Variants in DLGAP1 observed in about 807,000 individuals in gnomAD.
DLGAP1 encodes DLG associated protein 1.
Under a neutral mutation model 90.8 loss-of-function variants are expected in DLGAP1, and 11 were observed. The observed-to-expected ratio is 0.12, with a 90% confidence interval of 0.08 to 0.20. DLGAP1 has a LOEUF of 0.20. Ranked by LOEUF, DLGAP1 falls within the 10% of genes least tolerant of loss-of-function variation. The pLI, the probability that DLGAP1 is intolerant of heterozygous loss-of-function variation, is 1.00. For missense variants in DLGAP1, 1,050 were observed against 1,333.8 expected (o/e 0.79, Z 3.31); for synonymous variants, 558 against 540.7 (o/e 1.03, Z -0.44).
At chr18:4,314,514 A>G (rs750456681) in intron 1 of DLGAP1, among the ~76,000 whole-genome samples, 4 of 152,254 alleles carry the variant, frequency 2.6e-5, no homozygotes, top group Non-Finnish European at 5.9e-5. Context: ...TACAACGGTA[A>G]TTAAAATAAA....
chr18:4,154,340 T>A (rs2076721736), intron 1 of DLGAP1, among the ~76,000 whole-genome samples: 1 of 151,704 alleles, frequency 6.6e-6, no homozygotes, highest in South Asian at 2.1e-4. Flanking sequence ...CCTTTTTTTT[T>A]AAATAAAAAA....
At chr18:4,120,350 A>T (rs949396401) in intron 2 of DLGAP1, among the ~76,000 whole-genome samples, 3 of 152,240 alleles carry the variant, frequency 2.0e-5, no homozygotes, top group Admixed American at 1.3e-4. Flanking sequence ...ATCCTAAAGG[A>T]AACAATCAGA....
At chr18:3,926,984 C>T (rs1261644718) in intron 3 of DLGAP1, among the ~76,000 whole-genome samples, 1 of 151,978 alleles carries the variant, frequency 6.6e-6, no homozygotes, top group Non-Finnish European at 1.5e-5. Flanking sequence ...CTCCCTGTCA[C>T]CAAATCTGGG....
In DLGAP1 at chr18:4,160,022, C is replaced by A. The variant is rs868093629; in HGVS notation, c.-266-8735G>T. ...TGGGATCCTCCATGAACAGAAAGTG[C>A]GTAATGACTCATTGTGATATCACAA... On this transcript the variant is annotated intron_variant, in intron 1 of 12. Coordinates refer to ENST00000315677, the MANE Select transcript of DLGAP1 (RefSeq NM_004746.4). Among the ~76,000 whole-genome samples the A allele has an allele frequency of 2.0e-5, 3 of 152,260 alleles. No homozygotes were observed. In the East Asian group the frequency reaches 5.8e-4, roughly 29 times the overall value.
rs1339892253 is a variant in DLGAP1, at chr18:4,210,951, T to C, written c.-266-59664A>G. 2.0e-5 allele frequency among the ~76,000 whole-genome samples: 3 copies of C among 152,190 alleles called. No homozygotes were observed. The East Asian group carries it at 5.8e-4, about 29-fold the overall frequency. On this transcript the variant is annotated intron_variant, in intron 1 of 12. Transcript: ENST00000315677. ...GACTAAAATTCCTGTCTCCTGACCT[T>C]GAGGTCAGGGTTCACAGCATTAGCT...
intron 10 of DLGAP1, among the ~76,000 whole-genome samples, chr18:3,515,483 A>AAAT (rs1468788461): frequency 2.3e-3 from 335 of 148,478 alleles, no homozygotes; most frequent in African/African-American, 7.4e-3. Context: ...AAAAAAAAAA[A>AAAT]AAATTGGAGT....
intron 7 of DLGAP1, among the ~76,000 whole-genome samples, chr18:3,635,431 G>A (rs763746083): frequency 7.3e-5 from 11 of 151,320 alleles, no homozygotes; most frequent in Non-Finnish European, 1.0e-4. Context: ...GAGCCACCGC[G>A]CCCGGCCTGT....
chr18:4,088,052 CT>C (rs1438652242), intron 2 of DLGAP1, among the ~76,000 whole-genome samples: 1 of 151,108 alleles, frequency 6.6e-6, no homozygotes, highest in Non-Finnish European at 1.5e-5. Flanking sequence ...TTTTCCTCAA[CT>C]ATTGATCTCT....
chr18:4,420,748 C>A (rs1481276222), intron 1 of DLGAP1, among the ~76,000 whole-genome samples: 1 of 152,226 alleles, frequency 6.6e-6, no homozygotes, highest in Non-Finnish European at 1.5e-5. Flanking sequence ...TCAAACCCAA[C>A]ATACTATTGC....
At chr18:3,801,413 T>G (rs1370116889) in intron 5 of DLGAP1, among the ~76,000 whole-genome samples, 1 of 152,208 alleles carries the variant, frequency 6.6e-6, no homozygotes, top group East Asian at 1.9e-4. Flanking sequence ...CTTTCTCTTG[T>G]CTCTTACTTG....
intron 2 of DLGAP1, among the ~76,000 whole-genome samples, chr18:4,094,920 C>A (rs2075652089): frequency 6.6e-6 from 1 of 152,078 alleles, no homozygotes. Context: ...TTGATATCTG[C>A]AATTTTGTTT....
intron 4 of DLGAP1, among the ~76,000 whole-genome samples, chr18:3,843,539 T>C (rs2068837332): frequency 6.6e-6 from 1 of 152,126 alleles, no homozygotes. Context: ...ATTAGTAATA[T>C]TGGGGAGACA....
At chr18:4,368,955 C>A (rs1034522039) in intron 1 of DLGAP1, among the ~76,000 whole-genome samples, 2 of 152,096 alleles carry the variant, frequency 1.3e-5, no homozygotes, top group African/African-American at 2.4e-5. Context: ...TATCGATGAG[C>A]AGTAACTGTG....
intron 3 of DLGAP1, among the ~76,000 whole-genome samples, chr18:3,940,600 T>G (rs1454862295): frequency 6.6e-6 from 1 of 152,186 alleles, no homozygotes; most frequent in Non-Finnish European, 1.5e-5. Context: ...AGCCATAATT[T>G]AAGTCAAAAT....
chr18:3,505,637 TAAAAAA>T (rs35445954), intron 11 of DLGAP1, among the ~76,000 whole-genome samples: 2 of 87,706 alleles, frequency 2.3e-5, no homozygotes, highest in Non-Finnish European at 4.3e-5. Context: ...AGACTCCCTC[TAAAAAA>T]AAAAAAAAAA....
intron 1 of DLGAP1, among the ~76,000 whole-genome samples, chr18:4,340,753 T>G (rs751291987): frequency 7.9e-5 from 12 of 152,250 alleles, no homozygotes; most frequent in Admixed American, 3.3e-4. Context: ...TTAGGGTGAA[T>G]ATAAGAATGT....
intron 9 of DLGAP1, among the ~76,000 whole-genome samples, chr18:3,549,291 T>A (rs1236888716): frequency 2.6e-5 from 4 of 152,206 alleles, no homozygotes; most frequent in Admixed American, 1.3e-4. Flanking sequence ...AGATTTAGAT[T>A]TCTCTCACCT....
intron 10 of DLGAP1, among the ~76,000 whole-genome samples, chr18:3,523,069 G>C (rs1302381372): frequency 1.3e-5 from 2 of 152,004 alleles, no homozygotes; most frequent in Non-Finnish European, 2.9e-5. Flanking sequence ...GTTATCAAAG[G>C]AAACACTCAG....
At chr18:4,271,642 C>T (rs1044378773) in intron 1 of DLGAP1, among the ~76,000 whole-genome samples, 2 of 152,012 alleles carry the variant, frequency 1.3e-5, no homozygotes, top group Admixed American at 1.3e-4. Flanking sequence ...GTTGTATTAG[C>T]TTGTCTTTGT....
Sources: allele counts gnomAD v4.1 joint callset (sites outside exome capture counted in the v4.1 genomes callset), GRCh38; gene constraint gnomAD v4.1.1; transcripts MANE v1.5; gene names NCBI Gene and HGNC (gene_info 2026-07-23, HGNC 2026-07-21).